Variants in DPP6 observed in about 807,000 individuals in gnomAD.
The protein encoded by DPP6 is dipeptidyl peptidase like 6, also known as A-type potassium channel modulatory protein DPP6.
Under a neutral mutation model 122.6 loss-of-function variants are expected in DPP6, and 69 were observed. The ratio of observed to expected loss-of-function variants is 0.56; its 90% CI spans 0.46 to 0.69. DPP6 has a LOEUF of 0.69. DPP6 is among the 30% of genes least tolerant of loss of function. DPP6 has a pLI of 0.00. For synonymous variants in DPP6, 418 were observed against 433.1 expected (o/e 0.97, Z 0.43); for missense variants, 928 against 1,116.9 (o/e 0.83, Z 2.41).
At chr7:153,761,957 G>A in the DPP6 span, among the ~76,000 whole-genome samples, 136 of 152,320 alleles carry the variant, frequency 8.9e-4, no homozygotes, top group Admixed American at 1.8e-3. Context: ...TGGTTGGTCA[G>A]GGGAAAGAGT....
chr7:154,800,399 G>C (rs1563224402), intron 12 of DPP6, among the ~76,000 whole-genome samples: 1 of 152,230 alleles, frequency 6.6e-6, no homozygotes, highest in Admixed American at 6.5e-5. Context: ...AGCTCCTTGA[G>C]TCAGAAAATA....
In DPP6 at chr7:154,481,416, C is replaced by G. The variant is rs913957417; in HGVS notation, c.457+6379C>G. Among the ~76,000 whole-genome samples, 2 of 150,294 alleles carry G rather than the reference C, an allele frequency of 1.3e-5. No individual in the cohort carries two copies. Among genetic ancestry groups the G allele is most frequent in the African/African-American group, 4.9e-5 (2 of 40,520 alleles). On this transcript the variant is annotated intron_variant, in intron 3 of 25. Coordinates refer to ENST00000377770, the MANE Select transcript of DPP6 (RefSeq NM_130797.4). This position sits in a 1 kb window ranked among gnomAD's most constrained non-coding sequence, Gnocchi z 4.2. ...GTCAGTCACTGGCTAATTTCCATGTCCACTGCAGTATCTTACATTCACCTC... is the reference window on the plus strand; with the variant it reads ...GTCAGTCACTGGCTAATTTCCATGTGCACTGCAGTATCTTACATTCACCTC...
At chr7:154,772,809 T>C (rs1355328638) in intron 9 of DPP6, 36 bp from the exon 10 acceptor site, 1 of 1,598,038 alleles carries the variant, frequency 6.3e-7, no homozygotes, top group Non-Finnish European at 8.5e-7. Context: ...TGTATAAGGC[T>C]GCTTGTTCAT....
chr7:154,465,608 G>C (rs1396207926), intron 2 of DPP6, among the ~76,000 whole-genome samples: 7 of 152,178 alleles, frequency 4.6e-5, no homozygotes, highest in African/African-American at 1.4e-4. Context: ...ATGAAAAAAA[G>C]TTCATCATCA....
At chr7:154,492,400 C>T (rs187264675) in intron 3 of DPP6, among the ~76,000 whole-genome samples, 119 of 152,166 alleles carry the variant, frequency 7.8e-4, no homozygotes, top group South Asian at 2.5e-3. Context: ...GATTTGTGCC[C>T]GCAGTGCATG....
At chr7:154,334,004 CTT>C (rs1312956011) in intron 1 of DPP6, among the ~76,000 whole-genome samples, 1 of 152,030 alleles carries the variant, frequency 6.6e-6, no homozygotes, top group Non-Finnish European at 1.5e-5. Context: ...ATTTTTATAA[CTT>C]AATAGTATAA....
chr7:153,813,747 G>A, the DPP6 span, among the ~76,000 whole-genome samples: 6 of 151,538 alleles, frequency 4.0e-5, no homozygotes, highest in Admixed American at 3.9e-4. Context: ...ATCTCATTGT[G>A]GTTTTGATTT....
At chr7:154,258,689 A>C (rs1157209517) in intron 1 of DPP6, among the ~76,000 whole-genome samples, 1 of 152,246 alleles carries the variant, frequency 6.6e-6, no homozygotes, top group Admixed American at 6.5e-5. Flanking sequence ...CCCCTGGAAC[A>C]GGGGTGCATA....
intron 1 of DPP6, among the ~76,000 whole-genome samples, chr7:154,098,295 T>C (rs1327709523): frequency 6.6e-6 from 1 of 152,204 alleles, no homozygotes; most frequent in Non-Finnish European, 1.5e-5. Context: ...CCTTCTGCCA[T>C]GATTGTAAGT....
intron 1 of DPP6, among the ~76,000 whole-genome samples, chr7:154,035,487 TC>T (rs1194744947): frequency 6.6e-6 from 1 of 152,222 alleles, no homozygotes; most frequent in Non-Finnish European, 1.5e-5. Context: ...TTACTTTATT[TC>T]AGTCCCGCCT....
chr7:153,776,814 T>G, the DPP6 span, among the ~76,000 whole-genome samples: 2 of 152,222 alleles, frequency 1.3e-5, no homozygotes, highest in Admixed American at 6.5e-5. Context: ...CTATGAAAAT[T>G]TCTTTAAAAA....
Position 154,875,647 on chromosome 7 carries a change from C to T in DPP6, c.1884-259C>T, listed in dbSNP as rs74457762. The stretch of plus-strand genomic sequence containing the variant: ...CAAATAGATGCTTTTTGGTGGCCGT[C>T]CCAGACAGCGCCGGTGTGTGTAGGG... On this transcript the variant is annotated intron_variant, in intron 19 of 25. Coordinates refer to ENST00000377770, the MANE Select transcript of DPP6 (RefSeq NM_130797.4). The surrounding 1 kb of genome is among the most constrained non-coding windows in gnomAD (Gnocchi z 4.5). Among the ~76,000 whole-genome samples, 1 of 152,106 alleles carries T rather than the reference C, an allele frequency of 6.6e-6. No homozygotes were observed. Among genetic ancestry groups the T allele is most frequent in the Admixed American group, 6.5e-5 (1 of 15,284 alleles).
rs921558856 is a variant in DPP6 at position 153,905,000 on chromosome 7, A to G, written c.51+17266A>G. ...AGCTGTGTGGAAATAGGATTGGCAC[A>G]AAGGGTCTGATCTAATGCCAATACA... On this transcript the variant is annotated intron_variant, in intron 1 of 25. Coordinates refer to the DPP6 transcript ENST00000404039. 4.6e-5 allele frequency among the ~76,000 whole-genome samples: 7 copies of G among 152,254 alleles called. No homozygotes were observed. The East Asian group carries it at 1.3e-3, about 29-fold the overall frequency.
intron 7 of DPP6, among the ~76,000 whole-genome samples, chr7:154,681,631 C>T (rs899011633): frequency 1.3e-5 from 2 of 152,200 alleles, no homozygotes; most frequent in African/African-American, 4.8e-5. Flanking sequence ...GCCAAGAATT[C>T]TCCTTCGTGC....
intron 1 of DPP6, among the ~76,000 whole-genome samples, chr7:154,417,547 T>A (rs1817130917): frequency 6.6e-6 from 1 of 152,120 alleles, no homozygotes; most frequent in Non-Finnish European, 1.5e-5. Context: ...CTTGGGTTTT[T>A]CCCTCCCCAC....
At chr7:154,561,134 T>C (rs1427577596) in intron 4 of DPP6, among the ~76,000 whole-genome samples, 2 of 152,142 alleles carry the variant, frequency 1.3e-5, no homozygotes, top group Non-Finnish European at 2.9e-5. Context: ...AAAGAAGAAA[T>C]AGACAAATCC....
At chr7:154,167,040 G>A (rs1395339736) in intron 1 of DPP6, among the ~76,000 whole-genome samples, 23 of 149,102 alleles carry the variant, frequency 1.5e-4, no homozygotes, top group Admixed American at 1.5e-3. Context: ...CATGTGCTGA[G>A]TTTGGTGGGG....
At chr7:153,855,647 G>A in the DPP6 span, among the ~76,000 whole-genome samples, 4 of 152,012 alleles carry the variant, frequency 2.6e-5, no homozygotes. Flanking sequence ...AACCAATAGG[G>A]CTCCCAAATC....
intron 1 of DPP6, among the ~76,000 whole-genome samples, chr7:154,425,148 G>C (rs13239598): frequency 0.85 from 129,204 of 152,168 alleles, 54,956 homozygotes; most frequent in African/African-American, 0.89. Flanking sequence ...CTCTGGAAAG[G>C]AGGTATTGAG....
Sources: allele counts gnomAD v4.1 joint callset (sites outside exome capture counted in the v4.1 genomes callset), GRCh38; gene constraint gnomAD v4.1.1; non-coding constraint Gnocchi (gnomAD v3.1); transcripts MANE v1.5; gene names NCBI Gene and HGNC (gene_info 2026-07-23, HGNC 2026-07-21).